SNX29: variants seen among roughly 807,000 people sequenced by gnomAD.
SNX29 encodes the protein sorting nexin 29, also known as sorting nexin-29.
A neutral mutation model predicts 102.1 loss-of-function variants in SNX29; 78 were observed. The observed-to-expected ratio is 0.76, with a 90% CI of 0.64 to 0.92. The LOEUF is 0.92. SNX29 is among the 40% of genes least tolerant of loss of function. The pLI, the probability that SNX29 is intolerant of heterozygous loss-of-function variation, is 0.00. For missense variants in SNX29, 1,280 were observed against 1,061.7 expected (o/e 1.21, Z -2.86); for synonymous variants, 580 against 414.5 (o/e 1.40, Z -4.85).
chr16:12,500,212 G>A (rs774893832), intron 19 of SNX29, among the ~76,000 whole-genome samples: 1 of 152,088 alleles, frequency 6.6e-6, no homozygotes, highest in Non-Finnish European at 1.5e-5. Context: ...TGCACAGGCT[G>A]GTCTTGAACT....
chr16:12,519,876 T>C (rs574599048), intron 19 of SNX29, among the ~76,000 whole-genome samples: 59 of 152,152 alleles, frequency 3.9e-4, no homozygotes, highest in African/African-American at 1.4e-3. Context: ...GGCATGGTGG[T>C]GTGCCCCTGT....
chr16:12,562,463 A>T (rs747886313), intron 20 of SNX29, among the ~76,000 whole-genome samples: 3 of 152,160 alleles, frequency 2.0e-5, no homozygotes, highest in South Asian at 4.1e-4. Context: ...ATCCCCCTTC[A>T]TAGGCTAGGA....
chr16:12,057,823 TA>T (rs112878048), intron 8 of SNX29, among the ~76,000 whole-genome samples: 99,274 of 147,766 alleles, frequency 0.67, 33,745 homozygotes, highest in African/African-American at 0.73. Context: ...ATTTTATATA[TA>T]TATTTTTTTT....
At chr16:12,432,356 C>G (rs944492587) in intron 18 of SNX29, among the ~76,000 whole-genome samples, 1 of 152,132 alleles carries the variant, frequency 6.6e-6, no homozygotes, top group African/African-American at 2.4e-5. Flanking sequence ...TTTTTGGGGT[C>G]CAGGCTGTCA....
chr16:12,537,017 G>A (rs966512766), intron 20 of SNX29, among the ~76,000 whole-genome samples: 1 of 152,168 alleles, frequency 6.6e-6, no homozygotes, highest in Admixed American at 6.5e-5. Context: ...AGGGCATGGG[G>A]GCCGGGGGAG....
intron 17 of SNX29, among the ~76,000 whole-genome samples, chr16:12,403,234 G>C (rs1046173946): frequency 6.7e-6 from 1 of 148,840 alleles, no homozygotes; most frequent in Non-Finnish European, 1.5e-5. Context: ...GTGTGTGTGT[G>C]TGTGTGTGTG....
chr16:12,475,193 C>A (rs2087533938), intron 18 of SNX29, among the ~76,000 whole-genome samples: 1 of 152,190 alleles, frequency 6.6e-6, no homozygotes, highest in South Asian at 2.1e-4. Context: ...TGCATTACAT[C>A]AGGGGTTCCT....
At chr16:12,356,595 G>C (rs1162866199) in intron 16 of SNX29, among the ~76,000 whole-genome samples, 5 of 152,216 alleles carry the variant, frequency 3.3e-5, no homozygotes, top group Non-Finnish European at 7.3e-5. Flanking sequence ...GCAGTAAACA[G>C]TCTTGGTTTT....
intron 19 of SNX29, among the ~76,000 whole-genome samples, chr16:12,520,073 A>G (rs1461374653): frequency 2.6e-5 from 4 of 152,214 alleles, no homozygotes; most frequent in Admixed American, 2.0e-4. Context: ...ATAGCCTTCC[A>G]TGAATTATTC....
chr16:12,154,111 C>T (rs1457957330), intron 13 of SNX29, among the ~76,000 whole-genome samples: 1 of 152,178 alleles, frequency 6.6e-6, no homozygotes, highest in East Asian at 1.9e-4. Flanking sequence ...TTCCCTCTCT[C>T]CCTACCTTCC....
intron 18 of SNX29, among the ~76,000 whole-genome samples, chr16:12,468,169 C>CTTTTTTT (rs59089512): frequency 1.1e-5 from 1 of 92,662 alleles, no homozygotes; most frequent in Non-Finnish European, 2.1e-5. Flanking sequence ...ACTCTGACTC[C>CTTTTTTT]TTTTTTTTTT....
At chr16:12,550,042 C>G (rs1246620546) in intron 20 of SNX29, among the ~76,000 whole-genome samples, 2 of 152,210 alleles carry the variant, frequency 1.3e-5, no homozygotes, top group East Asian at 1.9e-4. Context: ...GAATGCCTCC[C>G]TGGAGCCTAG....
chr16:12,120,497 C>T (rs1221794860), intron 11 of SNX29, among the ~76,000 whole-genome samples: 2 of 152,222 alleles, frequency 1.3e-5, no homozygotes, highest in Non-Finnish European at 2.9e-5. Flanking sequence ...TTTGAAAAGG[C>T]AGTTGAAGAT....
chr16:12,404,249 C>A (rs572191730), intron 18 of SNX29, among the ~76,000 whole-genome samples: 1 of 152,116 alleles, frequency 6.6e-6, no homozygotes, highest in Admixed American at 6.5e-5. Flanking sequence ...TACGGATAGC[C>A]GCACCCAGGT....
At chr16:12,325,160 G>A (rs2151190840) in intron 15 of SNX29, among the ~76,000 whole-genome samples, 1 of 152,214 alleles carries the variant, frequency 6.6e-6, no homozygotes, top group East Asian at 1.9e-4. Context: ...CCTCCCTAAT[G>A]GCAAGAAAGA....
chr16:11,983,621 A>G (rs1257092861), intron 1 of SNX29: 1 of 985,076 alleles, frequency 1.0e-6, no homozygotes, highest in African/African-American at 1.7e-5. Flanking sequence ...TACCATCAGC[A>G]AACAGTTGAC....
At chr16:12,552,525 C>T (rs956559229) in intron 20 of SNX29, among the ~76,000 whole-genome samples, 2 of 152,188 alleles carry the variant, frequency 1.3e-5, no homozygotes, top group African/African-American at 4.8e-5. Flanking sequence ...AATGGGCCTT[C>T]ATTTCTCAGT....
At chr16:12,517,172 C>T (rs776601890) in intron 19 of SNX29, among the ~76,000 whole-genome samples, 10 of 152,192 alleles carry the variant, frequency 6.6e-5, no homozygotes, top group Non-Finnish European at 1.2e-4. Flanking sequence ...ACTCATTAGG[C>T]AGCCCCTAGA....
chr16:12,150,728 A>G (rs2055263956), intron 13 of SNX29, among the ~76,000 whole-genome samples: 1 of 152,212 alleles, frequency 6.6e-6, no homozygotes, highest in Admixed American at 6.5e-5. Context: ...GTCCGTGAGG[A>G]GGAAGTTGTC....
Sources: gnomAD v4.1 joint callset for allele counts (sites outside exome capture counted in the v4.1 genomes callset) on GRCh38, gnomAD v4.1.1 for gene constraint, MANE v1.5 for transcripts, NCBI Gene and HGNC (gene_info 2026-07-23, HGNC 2026-07-21) for gene names.